The following LGALS16 variants were observed in gnomAD, a reference collection of about 807,000 sequenced individuals.
LGALS16 encodes the protein galectin-16.
Under a neutral mutation model 13.2 loss-of-function variants are expected in LGALS16, and 15 were observed. That is an observed-to-expected ratio of 1.13 (90% CI 0.76 to 1.75). The LOEUF (loss-of-function observed/expected upper bound fraction) is 1.75, where lower values mean the gene tolerates loss of function less well. Among genes scored for constraint, LGALS16 ranks in the 40% most tolerant of loss-of-function variants. The pLI is 0.00. For synonymous variants in LGALS16, 66 were observed against 65.4 expected, an observed-to-expected ratio of 1.01 and a Z score of -0.05; for missense variants, 198 against 178.4, an observed-to-expected ratio of 1.11 and a Z score of -0.63.
At chr19:39,658,759 C>T in intron 3 of LGALS16, 89 bp downstream of exon 3, 1 of 805,284 alleles carries the variant, frequency 1.2e-6, no homozygotes, top group Non-Finnish European at 2.0e-6. Context: ...ACCAGTCCCT[C>T]AGGGCCCATC....
intron 3 of LGALS16, among the ~76,000 whole-genome samples, chr19:39,660,079 A>T (rs1973242398): frequency 6.6e-6 from 1 of 152,174 alleles, no homozygotes; most frequent in Non-Finnish European, 1.5e-5. Context: ...CCTGTGCGAG[A>T]TGCAGGGTCT....
At chr19:39,656,417 G>T (rs970828302) in intron 1 of LGALS16, among the ~76,000 whole-genome samples, 1 of 152,250 alleles carries the variant, frequency 6.6e-6, no homozygotes, top group East Asian at 1.9e-4. Flanking sequence ...GCATGGCTCT[G>T]TGTGACTGTG....
intron 3 of LGALS16, among the ~76,000 whole-genome samples, chr19:39,659,015 A>G (rs1401352366): frequency 1.3e-5 from 2 of 152,056 alleles, no homozygotes; most frequent in Admixed American, 6.6e-5. Context: ...ATCAAAAATT[A>G]TGTCTTCGTC....
At chr19:39,660,004 C>T (rs1438529976) in intron 3 of LGALS16, among the ~76,000 whole-genome samples, 1 of 152,224 alleles carries the variant, frequency 6.6e-6, no homozygotes, top group Non-Finnish European at 1.5e-5. Context: ...AAGACAGTCA[C>T]AGTTCATGGA....
intron 3 of LGALS16, 34 bp downstream of exon 3, chr19:39,658,704 C>G: frequency 7.3e-7 from 1 of 1,377,776 alleles, no homozygotes; most frequent in Non-Finnish European, 1.0e-6. Flanking sequence ...TACCCAGGCT[C>G]TTTGGGATCC....
intron 3 of LGALS16, 44 bp from the exon 4 acceptor site, chr19:39,660,351 G>A (rs763714581): frequency 4.6e-6 from 7 of 1,536,768 alleles, no homozygotes; most frequent in Non-Finnish European, 6.1e-6. Flanking sequence ...CTGAAAACTT[G>A]TTGGGTGGCA....
intron 3 of LGALS16, among the ~76,000 whole-genome samples, chr19:39,659,107 T>C (rs1485679798): frequency 6.6e-6 from 1 of 151,370 alleles, no homozygotes; most frequent in African/African-American, 2.4e-5. Flanking sequence ...TTTTTCTTTT[T>C]TTTTTTTTTT....
rs1029549478 is a variant in LGALS16 at position 39,658,317 on chromosome 19, A to G, written c.93-143A>G. ...CCCTGCAGGGGGCACGAGGAGCTGA[A>G]GCATCCCCACAGGGACCAGGCCTGC... On this transcript the variant is annotated intron_variant, in intron 2 of 3. Transcript: ENST00000392051. 4.1e-6 allele frequency: 3 copies of G among 729,634 alleles called. No individual in the cohort carries two copies. In the Admixed American group the frequency reaches 6.5e-5, roughly 16 times the overall value. The allele number at this position is 729,634 out of a possible 1,614,324, so 45.2% of individuals were successfully genotyped here.
Position 39,658,642 on chromosome 19 carries a change from G to C in LGALS16, c.275G>C (p.Arg92Pro), listed in dbSNP as rs538753481. The change falls in exon 3 of 4, where the codon CGC becomes CCC. Residue 92 changes from arginine (R) to proline (P), a missense_variant. Arg to Pro is a moderately radical substitution (Grantham distance 103). Transcript: ENST00000392051. ...PFEDGKPFDL[R>P]IYVCHNEYEV... ...GAGGATGGCAAACCATTTGACTTGC[G>C]CATCTACGTGTGTCACAATGAGTAT... 3 of 1,588,624 alleles carry C rather than the reference G, an allele frequency of 1.9e-6. No homozygotes were observed. The South Asian group carries it at 3.4e-5, about 18-fold the overall frequency.
chr19:39,657,976 C>A lies in LGALS16; in HGVS notation c.92+17C>A. On this transcript the variant is annotated intron_variant, in intron 2 of 3. Coordinates refer to ENST00000392051, the MANE Select transcript of LGALS16 (RefSeq NM_001190441.3). ...CTCTTCTATGTGAGTACTCCATGGT[C>A]CAATGGAGGGGGTGGAGGAGAAAGG... is the stretch of plus-strand genomic sequence containing the variant. The A allele has an allele frequency of 1.2e-6, 2 of 1,609,308 alleles. No individual in the cohort carries two copies. Among genetic ancestry groups the A allele is most frequent in the South Asian group, 2.2e-5 (2 of 90,986 alleles).
At chr19:39,658,206 T>C (rs1973217119) in intron 2 of LGALS16, among the ~76,000 whole-genome samples, 1 of 152,072 alleles carries the variant, frequency 6.6e-6, no homozygotes, top group African/African-American at 2.4e-5. Flanking sequence ...TCAAGGGGCA[T>C]AGAATTTTCA....
chr19:39,660,410 G>A lies in LGALS16; in HGVS notation c.319G>A (p.Glu107Lys). ...CCTCTTAAAGGTAAAGGTAAATGGT[G>A]AATACATTTATGCCTTTGTCCATCG... is the stretch of plus-strand genomic sequence containing the variant. ...HNEYEVKVNGEYIYAFVHRIP... is the reference protein window; with the variant it reads ...HNEYEVKVNGKYIYAFVHRIP... Residue 107 changes from glutamate to lysine, a missense_variant, in exon 4 of 4, where the codon GAA becomes AAA. Transcript: ENST00000392051. 2 of 1,540,540 alleles carry A rather than the reference G, an allele frequency of 1.3e-6. No individual in the cohort carries two copies. The highest frequency in any genetic ancestry group is 8.7e-7 in the Non-Finnish European group (1 of 1,147,634).
At position 39,660,565 on chromosome 19, in the gene LGALS16, G is replaced by A. The variant is rs781339164; in HGVS notation, c.*45G>A. On this transcript the variant is annotated 3_prime_UTR_variant, in exon 4 of 4. Transcript: ENST00000392051. ...GGAAACCCTCTTTCTACCTGACCATGGGATTCCTAGAGCCTGCTAACAGAA... is the reference window on the plus strand; with the variant it reads ...GGAAACCCTCTTTCTACCTGACCATAGGATTCCTAGAGCCTGCTAACAGAA... 2.6e-6 allele frequency: 4 copies of A among 1,521,360 alleles called. No individual in the cohort carries two copies. In the South Asian group the frequency reaches 3.6e-5, roughly 14 times the overall value. 94.2% of individuals were successfully genotyped at this position (1,521,360 alleles called of 1,614,324 possible). A position where few individuals can be genotyped will look rare whatever the true frequency, so the allele number is the denominator to read the frequency against.
At chr19:39,657,833 G>T in intron 1 of LGALS16, 50 bp from the exon 2 acceptor site, 2 of 1,597,950 alleles carry the variant, frequency 1.3e-6, no homozygotes, top group Non-Finnish European at 1.7e-6. Flanking sequence ...TACAGGAAGG[G>T]AGACTGCACC....
intron 1 of LGALS16, 116 bp from the exon 2 acceptor site, chr19:39,657,767 G>A (rs1973210107): frequency 9.0e-7 from 1 of 1,113,978 alleles, no homozygotes; most frequent in Non-Finnish European, 1.3e-6. Context: ...AGTGAATGGG[G>A]AGAGTCCACA....
rs115455617 is a variant in LGALS16 at position 39,657,146 on chromosome 19, C to T, written c.16-737C>T. On this transcript the variant is annotated intron_variant, in intron 1 of 3. Coordinates refer to ENST00000392051, the MANE Select transcript of LGALS16 (RefSeq NM_001190441.3). ...CCAGAGTGGCAGGCACCTTTTGCCC[C>T]AGCTACACAAGAGGGGGCAGATGTG... Among the ~76,000 whole-genome samples, 539 of 152,204 alleles carry T rather than the reference C, an allele frequency of 3.5e-3. 2 individuals carry two copies. The highest frequency in any genetic ancestry group is 0.013 in the African/African-American group (526 of 41,542).
At chr19:39,659,838 G>A (rs774520122) in intron 3 of LGALS16, among the ~76,000 whole-genome samples, 5 of 152,078 alleles carry the variant, frequency 3.3e-5, no homozygotes, top group African/African-American at 4.8e-5. Flanking sequence ...TTCAAGTGAG[G>A]GATCTTTTCC....
chr19:39,656,837 G>T (rs1331370262), intron 1 of LGALS16, among the ~76,000 whole-genome samples: 1 of 151,864 alleles, frequency 6.6e-6, no homozygotes, highest in Admixed American at 6.6e-5. Flanking sequence ...GGATATTAGA[G>T]GCCATGGTTT....
chr19:39,657,815 G>A, intron 1 of LGALS16, 68 bp from the exon 2 acceptor site: 1 of 1,541,712 alleles, frequency 6.5e-7, no homozygotes, highest in Non-Finnish European at 8.9e-7. Context: ...TGCACCATGG[G>A]AATATGTTAC....
Sources: gnomAD v4.1 joint callset for allele counts (sites outside exome capture counted in the v4.1 genomes callset) on GRCh38, gnomAD v4.1.1 for gene constraint, MANE v1.5 for transcripts, NCBI Gene and HGNC (gene_info 2026-07-23, HGNC 2026-07-21) for gene names.